Variants in VWC2 observed in about 807,000 individuals in gnomAD.
VWC2 encodes the protein brorin.
In VWC2, 14 loss-of-function variants were observed where a neutral mutation model predicts 29.8. The ratio of observed to expected loss-of-function variants is 0.47; its 90% confidence interval spans 0.31 to 0.74. The LOEUF is 0.74. Ranked by LOEUF, VWC2 falls within the 30% of genes least tolerant of loss-of-function variation. The pLI, the probability that VWC2 is intolerant of heterozygous loss-of-function variation, is 0.05. For missense variants in VWC2, 457 were observed against 459.8 expected (o/e 0.99, Z 0.05); for synonymous variants, 213 against 199.0 (o/e 1.07, Z -0.59).
chr7:49,828,741 T>C (rs1056520505), intron 3 of VWC2, among the ~76,000 whole-genome samples: 3 of 152,116 alleles, frequency 2.0e-5, no homozygotes, highest in Admixed American at 6.5e-5. Flanking sequence ...TTCTGAGAGG[T>C]AGTAAACAAC....
chr7:49,809,169 G>T (rs1242647075), intron 3 of VWC2, among the ~76,000 whole-genome samples: 1 of 151,828 alleles, frequency 6.6e-6, no homozygotes, highest in Non-Finnish European at 1.5e-5. Flanking sequence ...AATTAGAGAA[G>T]ACACAAGTCA....
At chr7:49,774,280 G>A (rs1035282765) in intron 1 of VWC2, among the ~76,000 whole-genome samples, 167 bp downstream of exon 1, 2 of 152,140 alleles carry the variant, frequency 1.3e-5, no homozygotes, top group Admixed American at 1.3e-4. Flanking sequence ...AGGTCGGCAG[G>A]GACCGGGCAG....
rs1242221544 is a variant in VWC2 at position 49,775,640 on chromosome 7, G to T, written c.205G>T (p.Glu69Ter). 2.0e-6 allele frequency: 3 copies of T among 1,529,338 alleles called. No homozygotes were observed. The highest frequency in any genetic ancestry group is 2.6e-6 in the Non-Finnish European group (3 of 1,141,156). 94.7% of individuals were successfully genotyped at this position (1,529,338 alleles called of 1,614,324 possible). A position where few individuals can be genotyped will look rare whatever the true frequency, so the allele number is the denominator to read the frequency against. Reference sequence around the variant, plus strand: ...CGAGCTCGGGCGCCCGGCGAGGGACGAGGGCGGCAGCGGCCGGGACTGGAA... The same window carrying T: ...CGAGCTCGGGCGCCCGGCGAGGGACTAGGGCGGCAGCGGCCGGGACTGGAA... ...VNELGRPARDEGGSGRDWKSK... is the reference protein window; with the variant it reads ...VNELGRPARD The change falls in exon 2 of 4, where the codon GAG becomes TAG. Residue 69 changes from glutamate (E) to a stop codon, truncating the protein, a stop_gained. Coordinates refer to ENST00000340652, the MANE Select transcript of VWC2 (RefSeq NM_198570.5). LOFTEE classifies it high-confidence loss of function.
chr7:49,816,235 A>C (rs1789139668), intron 3 of VWC2, among the ~76,000 whole-genome samples: 1 of 152,216 alleles, frequency 6.6e-6, no homozygotes, highest in Non-Finnish European at 1.5e-5. Context: ...TTTAATTCTG[A>C]GTCAATGACA....
intron 3 of VWC2, among the ~76,000 whole-genome samples, chr7:49,866,609 G>T (rs930468269): frequency 1.3e-5 from 2 of 152,150 alleles, no homozygotes; most frequent in African/African-American, 4.8e-5. Context: ...CTTCTTGATG[G>T]GATGAAATGC....
intron 3 of VWC2, among the ~76,000 whole-genome samples, chr7:49,828,424 G>A (rs1399071807): frequency 6.6e-6 from 1 of 152,176 alleles, no homozygotes; most frequent in Non-Finnish European, 1.5e-5. Flanking sequence ...GTAGGTCAAT[G>A]TGAAAAGTTA....
chr7:49,775,196 C>A (rs772684510), intron 1 of VWC2, 137 bp from the exon 2 acceptor site: 1 of 255,840 alleles, frequency 3.9e-6, no homozygotes, highest in Non-Finnish European at 7.3e-6. Context: ...GGCCGTGCAC[C>A]GACGCTGGGC....
chr7:49,898,174 G>T (rs1792490104), intron 3 of VWC2, among the ~76,000 whole-genome samples: 1 of 151,838 alleles, frequency 6.6e-6, no homozygotes, highest in South Asian at 2.1e-4. Context: ...TTATATGTGT[G>T]TGTGTATATA....
intron 3 of VWC2, among the ~76,000 whole-genome samples, chr7:49,874,184 A>C (rs1344601354): frequency 1.3e-5 from 2 of 151,672 alleles, no homozygotes; most frequent in Non-Finnish European, 2.9e-5. Flanking sequence ...ACACACCCAC[A>C]CACACACACA....
intron 3 of VWC2, among the ~76,000 whole-genome samples, chr7:49,817,386 A>G (rs1163787115): frequency 1.3e-5 from 2 of 152,238 alleles, no homozygotes; most frequent in African/African-American, 2.4e-5. Context: ...ATTGCATCCA[A>G]AACACTTACA....
intron 3 of VWC2, among the ~76,000 whole-genome samples, chr7:49,888,422 C>T (rs1303972618): frequency 3.9e-5 from 6 of 152,224 alleles, no homozygotes; most frequent in Admixed American, 3.3e-4. Flanking sequence ...ACTGATTTCA[C>T]TACATTTTAT....
chr7:49,781,396 A>G (rs1305893448), intron 2 of VWC2, among the ~76,000 whole-genome samples: 1 of 152,164 alleles, frequency 6.6e-6, no homozygotes, highest in Non-Finnish European at 1.5e-5. Flanking sequence ...TAACACCATA[A>G]TCTTTTACAG....
At chr7:49,843,319 T>G (rs944125162) in intron 3 of VWC2, among the ~76,000 whole-genome samples, 2 of 152,152 alleles carry the variant, frequency 1.3e-5, no homozygotes, top group Admixed American at 1.3e-4. Flanking sequence ...TCCAGGAACA[T>G]AAAGCTCTCA....
intron 3 of VWC2, among the ~76,000 whole-genome samples, chr7:49,903,546 T>C (rs1792893523): frequency 6.6e-6 from 1 of 152,154 alleles, no homozygotes; most frequent in Admixed American, 6.5e-5. Context: ...AATAAAACAA[T>C]AGATATGGAG....
intron 3 of VWC2, among the ~76,000 whole-genome samples, chr7:49,909,721 T>C (rs1320083893): frequency 1.3e-5 from 2 of 152,120 alleles, no homozygotes; most frequent in African/African-American, 2.4e-5. Flanking sequence ...TGGGAGTCAT[T>C]GCCAGATGAA....
chr7:49,789,256 T>C (rs1305489592), intron 2 of VWC2, among the ~76,000 whole-genome samples: 1 of 140,734 alleles, frequency 7.1e-6, no homozygotes, highest in African/African-American at 2.8e-5. Context: ...GGTGTGGGAG[T>C]GGGTGTGTGT....
At chr7:49,828,016 C>T (rs1035885073) in intron 3 of VWC2, among the ~76,000 whole-genome samples, 1 of 152,162 alleles carries the variant, frequency 6.6e-6, no homozygotes, top group African/African-American at 2.4e-5. Context: ...ATGCACATTA[C>T]CATGTAATTC....
rs1281284254 is a variant in VWC2 at position 49,877,476 on chromosome 7, AAAAAAATATATAT to A, written c.827-34556_827-34544del. ...AAACTCTGTCTCAAAAAAAAAAAAA[AAAAAAATATATAT>A]ATATATATATATATATATATATATA... is the stretch of plus-strand genomic sequence containing the variant. On this transcript the variant is annotated intron_variant, in intron 3 of 3. Transcript: ENST00000340652. 9.8e-4 allele frequency among the ~76,000 whole-genome samples: 43 copies of A among 43,892 alleles called. 6 individuals carry two copies. The highest frequency in any genetic ancestry group is 3.3e-3 in the East Asian group (4 of 1,228). 28.8% of individuals were successfully genotyped at this position (43,892 alleles called of 152,430 possible). A position where few individuals can be genotyped will look rare whatever the true frequency, so the allele number is the denominator to read the frequency against.
At chr7:49,798,773 T>TG (rs1393674049) in intron 2 of VWC2, among the ~76,000 whole-genome samples, 5 of 152,204 alleles carry the variant, frequency 3.3e-5, no homozygotes, top group African/African-American at 1.2e-4. Flanking sequence ...TGAGTTCACG[T>TG]GGGCATTGGG....
Sources: allele counts gnomAD v4.1 joint callset (sites outside exome capture counted in the v4.1 genomes callset), GRCh38; gene constraint gnomAD v4.1.1; transcripts MANE v1.5; gene names NCBI Gene and HGNC (gene_info 2026-07-23, HGNC 2026-07-21).